Variants in MCRIP1 observed in about 807,000 individuals in gnomAD.
MCRIP1 encodes mapk-regulated corepressor-interacting protein 1.
A neutral mutation model predicts 14.4 loss-of-function variants in MCRIP1; 10 were observed. The observed-to-expected ratio is 0.70, with a 90% confidence interval of 0.43 to 1.18. The LOEUF is 1.18. Among genes scored for constraint, MCRIP1 ranks in the 50% most tolerant of loss-of-function variants. MCRIP1 has a pLI of 0.00. For synonymous variants in MCRIP1, 53 were observed against 55.7 expected (o/e 0.95, Z 0.21); for missense variants, 119 against 135.4 (o/e 0.88, Z 0.60).
At chr17:81,829,236 T>C (rs2038471182) in intron 1 of MCRIP1, among the ~76,000 whole-genome samples, 1 of 136,226 alleles carries the variant, frequency 7.3e-6, no homozygotes, top group Non-Finnish European at 1.6e-5. Flanking sequence ...AGTGGCGGCC[T>C]GACCGAGGCC....
At chr17:81,825,582 T>C (rs1198914713) in intron 1 of MCRIP1, 1 of 1,289,324 alleles carries the variant, frequency 7.8e-7, no homozygotes, top group South Asian at 1.2e-5. Context: ...GAGTCCTCTC[T>C]GGCTCATTCC....
intron 1 of MCRIP1, among the ~76,000 whole-genome samples, chr17:81,832,493 C>T (rs1261832736): frequency 6.6e-6 from 1 of 152,266 alleles, no homozygotes; most frequent in African/African-American, 2.4e-5. Context: ...GTTCTCGCCA[C>T]ATCCCACCCA....
intron 1 of MCRIP1, among the ~76,000 whole-genome samples, chr17:81,829,371 G>T (rs1344765735): frequency 6.6e-6 from 1 of 152,214 alleles, no homozygotes. Flanking sequence ...CACCACCAGG[G>T]TGACAGCAGT....
chr17:81,824,888 C>T, intron 1 of MCRIP1: 1 of 1,215,920 alleles, frequency 8.2e-7, no homozygotes. Flanking sequence ...TGGCCAGAGC[C>T]CCTCCCCACG....
chr17:81,829,159 C>T (rs1398805573), intron 1 of MCRIP1, among the ~76,000 whole-genome samples: 1 of 151,970 alleles, frequency 6.6e-6, no homozygotes, highest in South Asian at 2.1e-4. Flanking sequence ...ACACGGCAGA[C>T]GGCCACCTGA....
chr17:81,833,173 C>T (rs1200932233), intron 1 of MCRIP1, 65 bp downstream of exon 1: 3 of 146,696 alleles, frequency 2.0e-5, no homozygotes, highest in African/African-American at 7.3e-5. Flanking sequence ...GACACCAGGG[C>T]GGGGCCCAGC....
chr17:81,825,008 C>T, intron 1 of MCRIP1: 1 of 1,037,762 alleles, frequency 9.6e-7, no homozygotes, highest in Non-Finnish European at 1.2e-6. Flanking sequence ...CAGGGCTGGG[C>T]ACACGGCTTC....
intron 1 of MCRIP1, chr17:81,825,483 C>A: frequency 2.5e-6 from 3 of 1,205,624 alleles, no homozygotes; most frequent in Non-Finnish European, 3.2e-6. Context: ...GCACAAGCAA[C>A]TCCCCTGCCC....
At chr17:81,826,125 T>A in intron 1 of MCRIP1, 1 of 1,481,722 alleles carries the variant, frequency 6.7e-7, no homozygotes, top group Non-Finnish European at 9.0e-7. Flanking sequence ...TGGCCTGGGA[T>A]CCCCCTGCTG....
chr17:81,825,517 T>C (rs2038372136), intron 1 of MCRIP1: 6 of 1,245,998 alleles, frequency 4.8e-6, no homozygotes, highest in Non-Finnish European at 5.2e-6. Context: ...AGGCTGCAGA[T>C]ACTCCAGGGC....
intron 1 of MCRIP1, chr17:81,826,752 GA>G (rs1288971369): frequency 9.9e-6 from 2 of 202,816 alleles, no homozygotes; most frequent in Non-Finnish European, 2.0e-5. Context: ...CCGGGAGGTG[GA>G]GGTGCAGTGA....
chr17:81,824,323 G>A lies in MCRIP1; in HGVS notation c.91C>T (p.Pro31Ser). ...SPPSSSEIFT[P>S]AHEENVRFIY... ...AAGCGGACGTTCTCCTCGTGGGCTG[G>A]GGTGAAGATCTCGCTGCTGCTGGGT... The change falls in exon 3 of 5, where the codon CCA (proline) becomes TCA (serine). Residue 31 changes from proline to serine, a missense_variant. Coordinates refer to ENST00000455127, the MANE Select transcript of MCRIP1 (RefSeq NM_207368.5). The A allele has an allele frequency of 1.3e-6, 2 of 1,536,404 alleles. No homozygotes were observed. The highest frequency in any genetic ancestry group is 2.4e-5 in the South Asian group (2 of 84,048).
intron 1 of MCRIP1, chr17:81,824,874 A>T: frequency 8.0e-7 from 1 of 1,247,582 alleles, no homozygotes; most frequent in Non-Finnish European, 1.0e-6. Context: ...CACCGGGAGC[A>T]CTGTGGCCAG....
At chr17:81,826,157 C>T (rs990181124) in intron 1 of MCRIP1, 14 of 1,494,644 alleles carry the variant, frequency 9.4e-6, no homozygotes, top group Middle Eastern at 1.7e-4. Context: ...CACTCCTGCC[C>T]CAGATCCCAC....
At chr17:81,831,500 C>A (rs1192773818) in intron 1 of MCRIP1, among the ~76,000 whole-genome samples, 2 of 151,750 alleles carry the variant, frequency 1.3e-5, no homozygotes, top group Non-Finnish European at 2.9e-5. Flanking sequence ...TCAGCCCACT[C>A]TTAGGAAGGT....
At chr17:81,832,529 C>T (rs570812049) in intron 1 of MCRIP1, among the ~76,000 whole-genome samples, 1 of 152,368 alleles carries the variant, frequency 6.6e-6, no homozygotes, top group East Asian at 1.9e-4. Context: ...TCCCTGTTTA[C>T]ACCTCAGGGC....
chr17:81,832,531 C>T (rs2038540568), intron 1 of MCRIP1, among the ~76,000 whole-genome samples: 1 of 152,256 alleles, frequency 6.6e-6, no homozygotes, highest in Non-Finnish European at 1.5e-5. Context: ...CCTGTTTACA[C>T]CTCAGGGCCT....
At chr17:81,825,858 CA>C in intron 1 of MCRIP1, 1 of 1,289,946 alleles carries the variant, frequency 7.8e-7, no homozygotes, top group Non-Finnish European at 1.0e-6. Context: ...AACACCAGAG[CA>C]CGGAGGGAAA....
rs1036626858 is a variant in MCRIP1 at position 81,823,984 on chromosome 17, G to C, written c.127+303C>G. On this transcript the variant is annotated intron_variant, in intron 3 of 4. Coordinates refer to ENST00000455127, the MANE Select transcript of MCRIP1 (RefSeq NM_207368.5). The surrounding 1 kb of genome is among the most constrained non-coding windows in gnomAD (Gnocchi z 6.0). ...TCCCTTTCCCCAGCAAACTCCTCCA[G>C]TGCTGCTAGCATGGATGACTGGCTC... Among the ~76,000 whole-genome samples the C allele has an allele frequency of 2.0e-5, 3 of 152,182 alleles. No homozygotes were observed. Among genetic ancestry groups the C allele is most frequent in the African/African-American group, 7.2e-5 (3 of 41,428 alleles).
Sources: allele counts gnomAD v4.1 joint callset (sites outside exome capture counted in the v4.1 genomes callset), GRCh38; gene constraint gnomAD v4.1.1; non-coding constraint Gnocchi (gnomAD v3.1); transcripts MANE v1.5; gene names NCBI Gene and HGNC (gene_info 2026-07-23, HGNC 2026-07-21).